The following LRP1B variants were observed in gnomAD, a reference collection of about 807,000 sequenced individuals.
LRP1B encodes LDL receptor related protein 1B, also known as low-density lipoprotein receptor-related protein 1B.
Under a neutral mutation model 556.6 loss-of-function variants are expected in LRP1B, and 217 were observed. That is an observed-to-expected ratio of 0.39 (90% confidence interval 0.35 to 0.44). LRP1B has a LOEUF of 0.44. Among genes scored for constraint, LRP1B ranks in the 20% least tolerant of loss-of-function variants. The probability of loss-of-function intolerance (pLI) is 1.00; values close to 1 mark genes in which losing one functional copy is unlikely to be tolerated. For missense variants in LRP1B, 5,053 were observed against 5,620.8 expected (o/e 0.90, Z 3.23); for synonymous variants, 2,047 against 1,865.8 (o/e 1.10, Z -2.50).
chr2:141,738,523 G>T (rs768166574), intron 2 of LRP1B, among the ~76,000 whole-genome samples: 1 of 152,050 alleles, frequency 6.6e-6, no homozygotes, highest in Non-Finnish European at 1.5e-5. Context: ...CATTGGCCCC[G>T]TGATATACAT....
intron 47 of LRP1B, among the ~76,000 whole-genome samples, chr2:140,532,980 G>T (rs1249354757): frequency 1.8e-5 from 1 of 56,234 alleles, no homozygotes; most frequent in Non-Finnish European, 4.5e-5. Flanking sequence ...TTACATGGCT[G>T]TCTTAGAGTT....
At chr2:140,742,094 C>T (rs288128) in intron 35 of LRP1B, among the ~76,000 whole-genome samples, 147,982 of 152,310 alleles carry the variant, frequency 0.97, 71,980 homozygotes, top group Middle Eastern at 1. Flanking sequence ...GATTTCTTTT[C>T]ATATGCGATT....
chr2:140,830,830 A>G (rs1020449458), intron 31 of LRP1B, among the ~76,000 whole-genome samples: 3 of 152,112 alleles, frequency 2.0e-5, no homozygotes, highest in Admixed American at 1.3e-4. Flanking sequence ...TCCCCACCAA[A>G]AATCTATTAG....
chr2:140,256,665 C>A (rs996323778), intron 86 of LRP1B, among the ~76,000 whole-genome samples: 5 of 151,276 alleles, frequency 3.3e-5, no homozygotes, highest in South Asian at 2.1e-4. Flanking sequence ...GATGGGGTTT[C>A]AGCATGTTGG....
In LRP1B at chr2:141,324,028, C is replaced by CCA. The variant is rs57105906; in HGVS notation, c.344-69389_344-69388dup. On this transcript the variant is annotated intron_variant, in intron 3 of 90. Transcript: ENST00000389484. Reference sequence around the variant, plus strand: ...ACACACACACACCTGAACAAGGAAACCACACACACACACACACACACACAC... The same window carrying CCA: ...ACACACACACACCTGAACAAGGAAACCACACACACACACACACACACACACAC... Among the ~76,000 whole-genome samples the CCA allele has an allele frequency of 4.7e-3, 531 of 113,128 alleles. 3 individuals carry two copies. The highest frequency in any genetic ancestry group is 0.011 in the Middle Eastern group (2 of 174). 74.2% of individuals were successfully genotyped at this position (113,128 alleles called of 152,430 possible). A position where few individuals can be genotyped will look rare whatever the true frequency, so the allele number is the denominator to read the frequency against.
chr2:140,558,855 A>C (rs575009337), intron 43 of LRP1B, among the ~76,000 whole-genome samples: 167 of 151,818 alleles, frequency 1.1e-3, no homozygotes, highest in African/African-American at 3.4e-3. Flanking sequence ...AGGATAGCTT[A>C]AACCTGGGAG....
intron 1 of LRP1B, among the ~76,000 whole-genome samples, chr2:141,964,965 C>A (rs1401338021): frequency 3.6e-4 from 54 of 148,630 alleles, no homozygotes; most frequent in African/African-American, 1.3e-3. Context: ...CAAAAAAAGA[C>A]ATTTATGCAG....
intron 5 of LRP1B, among the ~76,000 whole-genome samples, chr2:141,240,038 T>A (rs138095484): frequency 0.019 from 2,848 of 152,248 alleles, 43 homozygotes; most frequent in Admixed American, 0.044. Context: ...TACTAAGATA[T>A]AATTTAATAA....
chr2:140,868,613 G>A (rs571618692), intron 25 of LRP1B, among the ~76,000 whole-genome samples: 2 of 152,198 alleles, frequency 1.3e-5, no homozygotes, highest in South Asian at 2.1e-4. Context: ...ATGGCAAGTA[G>A]AATAAACAAC....
chr2:141,325,675 T>A (rs910644684), intron 3 of LRP1B, among the ~76,000 whole-genome samples: 19 of 152,106 alleles, frequency 1.2e-4, no homozygotes, highest in African/African-American at 3.6e-4. Flanking sequence ...AGGCATAGTT[T>A]TCTTACGATG....
intron 59 of LRP1B, among the ~76,000 whole-genome samples, chr2:140,484,679 A>T (rs1159973086): frequency 6.6e-6 from 1 of 152,274 alleles, no homozygotes; most frequent in African/African-American, 2.4e-5. Flanking sequence ...AGTGAATTAT[A>T]ATGGTCATAA....
intron 3 of LRP1B, among the ~76,000 whole-genome samples, chr2:141,258,284 G>A (rs1168539327): frequency 6.6e-6 from 1 of 152,104 alleles, no homozygotes; most frequent in Non-Finnish European, 1.5e-5. Context: ...AAGAGATGGA[G>A]ACCATTCTGC....
At chr2:141,142,179 A>AG (rs1224302471) in intron 7 of LRP1B, among the ~76,000 whole-genome samples, 3 of 152,188 alleles carry the variant, frequency 2.0e-5, no homozygotes, top group African/African-American at 7.2e-5. Context: ...GAGACGTGAA[A>AG]GAACCTTGAC....
intron 24 of LRP1B, 102 bp downstream of exon 24, chr2:140,886,036 A>C: frequency 5.7e-6 from 4 of 705,096 alleles, no homozygotes; most frequent in Non-Finnish European, 7.0e-6. Flanking sequence ...TAAAGGACCA[A>C]AGGTCAAAGA....
rs750538701 is a variant in LRP1B at position 140,851,699 on chromosome 2, G to A, written c.4664C>T (p.Ala1555Val). The A allele has an allele frequency of 5.6e-6, 9 of 1,611,544 alleles. No homozygotes were observed. Among genetic ancestry groups the A allele is most frequent in the African/African-American group, 1.3e-5 (1 of 74,810 alleles). ...AGAAAGCTTCATCAAGTGGGGGCAC[G>A]CACAGGCAGCACTCCTATTGTGATT... ...LINHNRSAAC[A>V]CPHLMKLSSD... The change falls in exon 28 of 91, where the codon GCG becomes GTG. Residue 1555 changes from alanine to valine, a missense_variant. Ala to Val is a moderately conservative substitution (Grantham distance 64). Around this residue, in one of 5 missense-constraint regions of LRP1B, gnomAD observed 3,619 missense variants for 3,931.9 expected, o/e 0.92. Transcript: ENST00000389484.
At chr2:140,420,652 C>T (rs1685398768) in intron 66 of LRP1B, among the ~76,000 whole-genome samples, 1 of 152,102 alleles carries the variant, frequency 6.6e-6, no homozygotes, top group Admixed American at 6.5e-5. Flanking sequence ...TATATCCACA[C>T]AACAGAATAC....
At chr2:141,777,883 A>C (rs1416815378) in intron 2 of LRP1B, among the ~76,000 whole-genome samples, 4 of 152,180 alleles carry the variant, frequency 2.6e-5, no homozygotes, top group Admixed American at 6.5e-5. Flanking sequence ...TTTTTTAATA[A>C]ATATCCAAAA....
intron 2 of LRP1B, among the ~76,000 whole-genome samples, chr2:141,713,150 A>G (rs1692430926): frequency 6.6e-6 from 1 of 151,620 alleles, no homozygotes; most frequent in Non-Finnish European, 1.5e-5. Flanking sequence ...GGCCTCCCAA[A>G]GTGCTGGGAT....
intron 66 of LRP1B, among the ~76,000 whole-genome samples, chr2:140,392,490 A>G (rs972478105): frequency 1.1e-4 from 17 of 151,542 alleles, no homozygotes; most frequent in Admixed American, 1.1e-3. Context: ...AAAAGAATGC[A>G]ACCTTTTTTT....
Sources: allele counts gnomAD v4.1 joint callset (sites outside exome capture counted in the v4.1 genomes callset), GRCh38; gene constraint gnomAD v4.1.1; regional missense constraint gnomAD v4.1.1; transcripts MANE v1.5; gene names NCBI Gene and HGNC (gene_info 2026-07-23, HGNC 2026-07-21).